The following KCNMB1 variants were observed in gnomAD, a reference collection of about 807,000 sequenced individuals.
KCNMB1 encodes the protein calcium-activated potassium channel subunit beta-1.
KCNMB1 carries 22 observed loss-of-function variants against 21.7 expected under a neutral mutation model. The ratio of observed to expected loss-of-function variants is 1.01; its 90% CI spans 0.72 to 1.45. The LOEUF (loss-of-function observed/expected upper bound fraction) is 1.45. Among genes scored for constraint, KCNMB1 ranks in the 40% most tolerant of loss-of-function variants. The pLI is 0.00. For missense variants in KCNMB1, 243 were observed against 243.4 expected (o/e 1.00, Z 0.01); for synonymous variants, 114 against 107.6 (o/e 1.06, Z -0.37).
intron 3 of KCNMB1, among the ~76,000 whole-genome samples, chr5:170,379,266 G>A (rs1034439722): frequency 6.6e-6 from 1 of 152,088 alleles, no homozygotes; most frequent in Non-Finnish European, 1.5e-5. Context: ...AGAATTTTTG[G>A]CAAATTTCTC....
intron 2 of KCNMB1, 115 bp downstream of exon 2, chr5:170,385,199 C>T: frequency 1.7e-6 from 2 of 1,156,808 alleles, no homozygotes; most frequent in Non-Finnish European, 2.6e-6. Context: ...TCGTCTTGAC[C>T]CTGCTGCCTT....
rs1354382467 is a variant in KCNMB1 at position 170,375,396 on chromosome 5, G to A, written c.*3308C>T. 1.3e-5 allele frequency: 2 copies of A among 152,262 alleles called. No individual in the cohort carries two copies. Among genetic ancestry groups the A allele is most frequent in the Admixed American group, 6.5e-5 (1 of 15,288 alleles). The allele number at this position is 152,262 out of a possible 1,614,324, so 9.4% of individuals were successfully genotyped here. On this transcript the variant is annotated 3_prime_UTR_variant, in exon 4 of 4. Transcript: ENST00000274629. ...CTGGAGGCCACAGGGATACCTCTGGGCTCCCTGGCTGGAATTGGCAGATGC... is the reference window on the plus strand; with the variant it reads ...CTGGAGGCCACAGGGATACCTCTGGACTCCCTGGCTGGAATTGGCAGATGC...
rs982528426 is a variant in KCNMB1, at chr5:170,387,643, G to T, written c.-25+1616C>A. Among the ~76,000 whole-genome samples the T allele has an allele frequency of 2.6e-5, 4 of 152,128 alleles. No homozygotes were observed. The South Asian group carries it at 8.3e-4, about 32-fold the overall frequency. ...GCACAAGCAAGCAGAAATTGCCCCC[G>T]ACAAAGAGAGATGTTTTATTCAACT... On this transcript the variant is annotated intron_variant, in intron 1 of 3. Transcript: ENST00000274629.
In KCNMB1 at chr5:170,383,859, A is replaced by G. The variant is rs910522356; in HGVS notation, c.135-9T>C. On this transcript the variant is annotated splice_polypyrimidine_tract_variant and intron_variant, in intron 2 of 3. Transcript: ENST00000274629. The stretch of plus-strand genomic sequence containing the variant: ...ATTCCTGGGTCCACACGCTGAGGAG[A>G]CCACACACATGCACACATACACATC... 5 of 1,613,194 alleles carry G rather than the reference A, an allele frequency of 3.1e-6. No individual in the cohort carries two copies. In the South Asian group the frequency reaches 5.5e-5, roughly 18 times the overall value.
Position 170,383,676 on chromosome 5 carries a change from T to C in KCNMB1, c.306+3A>G. The C allele has an allele frequency of 6.2e-7, 1 of 1,614,114 alleles. No homozygotes were observed. Among genetic ancestry groups the C allele is most frequent in the Non-Finnish European group, 8.5e-7 (1 of 1,180,000 alleles). ...ATGTGTCCCCATCCCTCCAGTTCAG[T>C]ACCTGCTGGTTCTGGTCCCGAGTGT... is the stretch of plus-strand genomic sequence containing the variant. On this transcript the variant is annotated splice_donor_region_variant and intron_variant, in intron 3 of 3. Coordinates refer to ENST00000274629, the MANE Select transcript of KCNMB1 (RefSeq NM_004137.4).
intron 1 of KCNMB1, among the ~76,000 whole-genome samples, chr5:170,388,970 G>T (rs1480410236): frequency 6.6e-6 from 1 of 152,182 alleles, no homozygotes; most frequent in Non-Finnish European, 1.5e-5. Context: ...CTCTACCGGT[G>T]ACAAGTGCCA....
rs1764090153 is a variant in KCNMB1, at chr5:170,378,352, A to G, written c.*352T>C. ...GGGGGAGGATGGGTACCGCTTTGAG[A>G]CAACAGGGAGAACTCAGGCACAGAG... On this transcript the variant is annotated 3_prime_UTR_variant, in exon 4 of 4. Coordinates refer to ENST00000274629, the MANE Select transcript of KCNMB1 (RefSeq NM_004137.4). The G allele has an allele frequency of 9.4e-6, 2 of 212,828 alleles. No homozygotes were observed. Among genetic ancestry groups the G allele is most frequent in the Non-Finnish European group, 9.3e-6 (1 of 107,840 alleles). 13.2% of individuals were successfully genotyped at this position (212,828 alleles called of 1,614,324 possible).
Position 170,378,755 on chromosome 5 carries a change from G to A in KCNMB1, c.525C>T (p.Ile175=), listed in dbSNP as rs763259592. 8 of 1,614,060 alleles carry A rather than the reference G, an allele frequency of 5.0e-6. No homozygotes were observed. The highest frequency in any genetic ancestry group is 2.7e-5 in the African/African-American group (2 of 74,918). The change falls in exon 4 of 4, where the codon ATC becomes ATT. Residue 175 remains isoleucine, a synonymous_variant. Coordinates refer to ENST00000274629, the MANE Select transcript of KCNMB1 (RefSeq NM_004137.4). ...GGTACTGGTTGCTCTTCACCATGGC[G>A]ATAATGAGGAGGCCACCGGTCAGCA... ...TFLLTGGLLI[I]AMVKSNQYLS...
chr5:170,378,859 C>T lies in KCNMB1; in HGVS notation c.421G>A (p.Gly141Arg). ...TGGAATAGGACGCTGGTTTCGTTCC[C>T]CCGAGGTGCGGAGAAGCAGTAGAAG... ...QVFYCFSAPR[G>R]NETSVLFQRL... The change falls in exon 4 of 4, where the codon GGG (glycine) becomes AGG (arginine). Residue 141 changes from glycine (G) to arginine (R), a missense_variant. By Grantham distance (125) the Gly-to-Arg change is moderately radical (BLOSUM62 -2). Transcript: ENST00000274629. The T allele has an allele frequency of 6.2e-7, 1 of 1,614,252 alleles. No individual in the cohort carries two copies. Among genetic ancestry groups the T allele is most frequent in the Non-Finnish European group, 8.5e-7 (1 of 1,180,048 alleles).
At chr5:170,380,175 G>A (rs913683300) in intron 3 of KCNMB1, among the ~76,000 whole-genome samples, 2 of 152,170 alleles carry the variant, frequency 1.3e-5, no homozygotes, top group Non-Finnish European at 2.9e-5. Flanking sequence ...CTGTTCAGAT[G>A]AGGCCAGCTG....
At chr5:170,388,036 G>A (rs1283220134) in intron 1 of KCNMB1, among the ~76,000 whole-genome samples, 2 of 152,194 alleles carry the variant, frequency 1.3e-5, no homozygotes, top group Non-Finnish European at 1.5e-5. Flanking sequence ...CAGCGCCCAG[G>A]GCCATGGCCT....
chr5:170,375,692 G>C lies in KCNMB1; in HGVS notation c.*3012C>G, dbSNP rs915306877. On this transcript the variant is annotated 3_prime_UTR_variant, in exon 4 of 4. Coordinates refer to ENST00000274629, the MANE Select transcript of KCNMB1 (RefSeq NM_004137.4). ...TACTGGAACACACAGCTCCAGGCTT[G>C]AGTCCTAGCCCCTCACTTTACAGAT... 1 of 152,444 alleles carries C rather than the reference G, an allele frequency of 6.6e-6. No homozygotes were observed. The highest frequency in any genetic ancestry group is 2.4e-5 in the African/African-American group (1 of 41,470). 9.4% of individuals were successfully genotyped at this position (152,444 alleles called of 1,614,324 possible).
chr5:170,379,334 ATAT>A (rs1474487480), intron 3 of KCNMB1, among the ~76,000 whole-genome samples: 9 of 152,142 alleles, frequency 5.9e-5, no homozygotes, highest in Non-Finnish European at 1.3e-4. Flanking sequence ...GTTTCAAAGG[ATAT>A]TATGAAAGAA....
rs773989505 is a variant in KCNMB1, at chr5:170,378,580, G to A, written c.*124C>T. On this transcript the variant is annotated 3_prime_UTR_variant, in exon 4 of 4. Transcript: ENST00000274629. ...GGTTAGTCCTGCAACAGAAGACAGC[G>A]TGGATTGGACTGGAAGAGTGGGAGG... The A allele has an allele frequency of 5.9e-5, 60 of 1,008,752 alleles. No homozygotes were observed. Among genetic ancestry groups the A allele is most frequent in the Middle Eastern group, 2.9e-4 (1 of 3,424 alleles). 62.5% of individuals were successfully genotyped at this position (1,008,752 alleles called of 1,614,324 possible). A position where few individuals can be genotyped will look rare whatever the true frequency, so the allele number is the denominator to read the frequency against.
chr5:170,386,168 G>C (rs1312256505), intron 1 of KCNMB1, among the ~76,000 whole-genome samples: 1 of 152,054 alleles, frequency 6.6e-6, no homozygotes, highest in African/African-American at 2.4e-5. Flanking sequence ...TCTTGAAATG[G>C]GGAGACAATA....
Position 170,375,191 on chromosome 5 carries a change from T to C in KCNMB1, c.*3513A>G, listed in dbSNP as rs1763955923. On this transcript the variant is annotated 3_prime_UTR_variant, in exon 4 of 4. Transcript: ENST00000274629. ...ATACAGAGACATTCCGTGCCCCCTC[T>C]ACCTAATGTCCCCAATGGTAATATT... The C allele has an allele frequency of 6.6e-6, 1 of 152,248 alleles. No homozygotes were observed. Among genetic ancestry groups the C allele is most frequent in the African/African-American group, 2.4e-5 (1 of 41,462 alleles). The allele number at this position is 152,248 out of a possible 1,614,324, so 9.4% of individuals were successfully genotyped here.
intron 3 of KCNMB1, chr5:170,382,977 G>C: frequency 6.8e-6 from 1 of 147,978 alleles, no homozygotes. Flanking sequence ...GGGAGGGAGA[G>C]AGGGAGGGAA....
chr5:170,381,130 T>C (rs1489736798), intron 3 of KCNMB1, among the ~76,000 whole-genome samples: 2 of 152,182 alleles, frequency 1.3e-5, no homozygotes, highest in African/African-American at 2.4e-5. Flanking sequence ...CTCTGCCTGC[T>C]CAGGGTTCCT....
chr5:170,386,801 A>C (rs1764492116), intron 1 of KCNMB1, among the ~76,000 whole-genome samples: 1 of 152,074 alleles, frequency 6.6e-6, no homozygotes. Context: ...CACCTGGGAC[A>C]AAGCAGAATG....
Sources: allele counts gnomAD v4.1 joint callset (sites outside exome capture counted in the v4.1 genomes callset), GRCh38; gene constraint gnomAD v4.1.1; transcripts MANE v1.5; gene names NCBI Gene and HGNC (gene_info 2026-07-23, HGNC 2026-07-21).